The following LARGE1 variants were observed in gnomAD, a reference collection of about 807,000 sequenced individuals.
LARGE1 encodes the protein xylosyl- and glucuronyltransferase LARGE1.
A neutral mutation model predicts 87.6 loss-of-function variants in LARGE1; 43 were observed. That is an observed-to-expected ratio of 0.49 (90% CI 0.38 to 0.63). LARGE1 has a LOEUF of 0.63. Among genes scored for constraint, LARGE1 ranks in the 30% least tolerant of loss-of-function variants. The probability of loss-of-function intolerance (pLI) is 0.00; values close to 1 mark genes in which losing one functional copy is unlikely to be tolerated. For synonymous variants in LARGE1, 434 were observed against 394.6 expected (o/e 1.10, Z -1.18); for missense variants, 802 against 1,000.2 (o/e 0.80, Z 2.67).
Position 33,650,549 on chromosome 22 carries a change from TCTC to T in LARGE1, c.223_225del (p.Glu75del). 6.2e-7 allele frequency: 1 copy of T among 1,609,748 alleles called. No individual in the cohort carries two copies. The highest frequency in any genetic ancestry group is 8.5e-7 in the Non-Finnish European group (1 of 1,179,936). ...CTGAGCTGCCTGCGGAGGGCGCGGT[TCTC>T]CTCCTCCACCTCGCGCATGCGCACC... is the stretch of plus-strand genomic sequence containing the variant. On this transcript the variant is annotated inframe_deletion, in exon 3 of 15. Transcript: ENST00000397394.
chr22:33,276,728 G>A (rs1036736925), intron 14 of LARGE1, among the ~76,000 whole-genome samples: 1 of 152,228 alleles, frequency 6.6e-6, no homozygotes, highest in Non-Finnish European at 1.5e-5. Flanking sequence ...AGGATGCTTC[G>A]TGTCTGTTAC....
intron 6 of LARGE1, among the ~76,000 whole-genome samples, chr22:33,488,780 G>A (rs183680770): frequency 3.0e-4 from 45 of 152,248 alleles, no homozygotes; most frequent in Middle Eastern, 6.8e-3. Context: ...CTGGGGAAAC[G>A]CTTTGTAATA....
chr22:33,677,511 T>C (rs2081619808), intron 2 of LARGE1, among the ~76,000 whole-genome samples: 1 of 152,136 alleles, frequency 6.6e-6, no homozygotes, highest in Non-Finnish European at 1.5e-5. Flanking sequence ...TGTCTCCATA[T>C]TTTTTCTCCA....
At chr22:33,210,985 G>T (rs917576675) in intron 11 of LARGE1, among the ~76,000 whole-genome samples, 1 of 152,168 alleles carries the variant, frequency 6.6e-6, no homozygotes, top group Non-Finnish European at 1.5e-5. Flanking sequence ...TAAATCGAAG[G>T]TTTGTGGCAA....
At chr22:33,730,959 T>C (rs1176364511) in intron 2 of LARGE1, among the ~76,000 whole-genome samples, 1 of 151,506 alleles carries the variant, frequency 6.6e-6, no homozygotes, top group Non-Finnish European at 1.5e-5. Context: ...CCTCCTAAAG[T>C]GCTGGGATTA....
At chr22:33,781,958 T>C (rs418867) in intron 1 of LARGE1, among the ~76,000 whole-genome samples, 54,099 of 151,698 alleles carry the variant, frequency 0.36, 11,300 homozygotes, top group African/African-American at 0.58. Flanking sequence ...TATATATATA[T>C]ACACACACAC....
the LARGE1 span, among the ~76,000 whole-genome samples, chr22:33,089,387 C>CT: frequency 4.3e-5 from 6 of 141,012 alleles, no homozygotes; most frequent in Admixed American, 1.5e-4. Context: ...TCTTCTTCTT[C>CT]CTCTTCTTCT....
At chr22:33,760,809 A>C (rs1393919269) in intron 2 of LARGE1, among the ~76,000 whole-genome samples, 2 of 152,148 alleles carry the variant, frequency 1.3e-5, no homozygotes, top group Non-Finnish European at 2.9e-5. Context: ...AGTCCTAGCT[A>C]CTTGGGAGGT....
At chr22:33,476,740 C>A (rs2069097426) in intron 6 of LARGE1, among the ~76,000 whole-genome samples, 1 of 152,042 alleles carries the variant, frequency 6.6e-6, no homozygotes, top group Non-Finnish European at 1.5e-5. Flanking sequence ...TAACTACACC[C>A]AAAAGGTGCT....
chr22:33,528,489 CAG>C (rs1261568665), intron 6 of LARGE1, among the ~76,000 whole-genome samples: 1 of 152,146 alleles, frequency 6.6e-6, no homozygotes, highest in African/African-American at 2.4e-5. Context: ...CAAAAAATGG[CAG>C]AGTTAGCATT....
At chr22:33,345,789 A>G (rs753607555) in intron 9 of LARGE1, among the ~76,000 whole-genome samples, 1 of 152,222 alleles carries the variant, frequency 6.6e-6, no homozygotes, top group Non-Finnish European at 1.5e-5. Flanking sequence ...TCAAAGGCAG[A>G]AACAAGACCT....
intron 1 of LARGE1, among the ~76,000 whole-genome samples, chr22:33,814,554 C>T (rs772172626): frequency 2.0e-5 from 3 of 152,152 alleles, no homozygotes; most frequent in Non-Finnish European, 2.9e-5. Context: ...ATCTAATCAG[C>T]TGAAGGCCTT....
Position 33,381,921 on chromosome 22 carries a change from T to G in LARGE1, c.1129A>C (p.Lys377Gln). ...EQCYRDVSDL[K>Q]VIHWNSPKKL... ...GGATGTCCCTGTGTTGACCCTACCT[T>G]TAGATCAGACACGTCTCTGTAGCAC... Residue 377 changes from lysine to glutamine, a missense_variant and splice_region_variant, in exon 9 of 15, where the codon AAG becomes CAG. By Grantham distance (53) the Lys-to-Gln change is moderately conservative (BLOSUM62 1). This residue lies in a region of LARGE1 where 625 missense variants were observed against 841.9 expected (regional missense o/e 0.74). Transcript: ENST00000397394. The G allele has an allele frequency of 6.2e-7, 1 of 1,613,994 alleles. No homozygotes were observed.
intron 1 of LARGE1, among the ~76,000 whole-genome samples, chr22:33,827,294 C>G (rs1417326756): frequency 6.6e-6 from 1 of 151,970 alleles, no homozygotes; most frequent in African/African-American, 2.4e-5. Flanking sequence ...GGCGTGAACC[C>G]GGGAGGCGGA....
chr22:33,544,668 G>A (rs1013597239), intron 6 of LARGE1, among the ~76,000 whole-genome samples: 1 of 136,278 alleles, frequency 7.3e-6, no homozygotes, highest in Non-Finnish European at 1.6e-5. Flanking sequence ...GGCAAACAGA[G>A]CAAGACCCTG....
downstream of LARGE1, among the ~76,000 whole-genome samples, chr22:33,159,929 T>C (rs1921968226): frequency 3.6e-5 from 1 of 27,710 alleles, no homozygotes; most frequent in Non-Finnish European, 8.1e-5. Context: ...CTGAAACTAT[T>C]AGTGGTAAAA....
the LARGE1 span, among the ~76,000 whole-genome samples, chr22:33,129,927 G>A: frequency 6.6e-6 from 1 of 152,190 alleles, no homozygotes. Flanking sequence ...ATTTTGGGTG[G>A]GGACACACAC....
intron 1 of LARGE1, among the ~76,000 whole-genome samples, chr22:33,822,693 A>G: frequency 6.6e-6 from 1 of 152,178 alleles, no homozygotes; most frequent in African/African-American, 2.4e-5. Context: ...ATAAGGCTCC[A>G]TCTCAAAAAA....
intron 2 of LARGE1, among the ~76,000 whole-genome samples, chr22:33,663,646 G>T (rs2081191323): frequency 6.6e-6 from 1 of 152,196 alleles, no homozygotes; most frequent in Non-Finnish European, 1.5e-5. Context: ...GGATGACGCG[G>T]CTGATTGGCC....
Sources: allele counts gnomAD v4.1 joint callset (sites outside exome capture counted in the v4.1 genomes callset), GRCh38; gene constraint gnomAD v4.1.1; regional missense constraint gnomAD v4.1.1; transcripts MANE v1.5; gene names NCBI Gene and HGNC (gene_info 2026-07-23, HGNC 2026-07-21).